Variants in NTM observed in about 807,000 individuals in gnomAD.
NTM encodes neurotrimin.
Under a neutral mutation model 42.1 loss-of-function variants are expected in NTM, and 13 were observed. The ratio of observed to expected loss-of-function variants is 0.31; its 90% CI spans 0.20 to 0.49. The LOEUF is 0.49. NTM is among the 20% of genes least tolerant of loss of function. NTM has a pLI of 0.99. For synonymous variants in NTM, 187 were observed against 179.2 expected, an observed-to-expected ratio of 1.04 and a Z score of -0.35; for missense variants, 373 against 452.8, an observed-to-expected ratio of 0.82 and a Z score of 1.60.
At chr11:131,950,506 T>C (rs2060861395) in intron 2 of NTM, among the ~76,000 whole-genome samples, 1 of 152,184 alleles carries the variant, frequency 6.6e-6, no homozygotes, top group Non-Finnish European at 1.5e-5. Context: ...GGAAGCCCAC[T>C]CACTCCCCTT....
At chr11:131,978,621 G>A (rs1003734311) in intron 2 of NTM, among the ~76,000 whole-genome samples, 1 of 151,848 alleles carries the variant, frequency 6.6e-6, no homozygotes, top group Non-Finnish European at 1.5e-5. Context: ...CGAGGCTCCC[G>A]CAGCAGTAAC....
intron 1 of NTM, among the ~76,000 whole-genome samples, chr11:131,453,112 C>T (rs2136058021): frequency 6.6e-6 from 1 of 152,326 alleles, no homozygotes; most frequent in South Asian, 2.1e-4. Flanking sequence ...TAAGTCCTCC[C>T]TTCTTGCCCA....
intron 1 of NTM, among the ~76,000 whole-genome samples, chr11:131,907,546 C>A (rs757703922): frequency 3.9e-5 from 6 of 152,190 alleles, no homozygotes; most frequent in East Asian, 1.9e-4. Flanking sequence ...TTTTTTATAA[C>A]CTGAAGCAAT....
chr11:131,575,319 C>G (rs2057823875), intron 1 of NTM, among the ~76,000 whole-genome samples: 2 of 152,178 alleles, frequency 1.3e-5, no homozygotes, highest in African/African-American at 4.8e-5. Flanking sequence ...TCACATTAAA[C>G]CTTTCTTCCA....
chr11:131,496,919 C>G (rs915245892), intron 1 of NTM, among the ~76,000 whole-genome samples: 5 of 152,200 alleles, frequency 3.3e-5, no homozygotes, highest in African/African-American at 1.2e-4. Flanking sequence ...CCACAGAACT[C>G]AAACCAGCAC....
At chr11:131,850,146 T>A (rs1434212342) in intron 1 of NTM, among the ~76,000 whole-genome samples, 1 of 152,112 alleles carries the variant, frequency 6.6e-6, no homozygotes, top group Non-Finnish European at 1.5e-5. Context: ...TAAATACAAA[T>A]CATTCCATTG....
chr11:132,162,079 A>C (rs1591921764), intron 3 of NTM, among the ~76,000 whole-genome samples: 2 of 152,250 alleles, frequency 1.3e-5, no homozygotes, highest in East Asian at 3.9e-4. Flanking sequence ...TCCTAATGTA[A>C]AGTGCGTGGG....
At chr11:131,972,082 A>G (rs987659032) in intron 2 of NTM, among the ~76,000 whole-genome samples, 5 of 146,362 alleles carry the variant, frequency 3.4e-5, no homozygotes, top group Admixed American at 6.9e-5. Context: ...GTGTGGTGGC[A>G]CACAACTGTA....
intron 1 of NTM, among the ~76,000 whole-genome samples, chr11:131,480,763 G>GCT (rs912767056): frequency 4.0e-5 from 6 of 151,546 alleles, no homozygotes; most frequent in Non-Finnish European, 8.8e-5. Flanking sequence ...AGAGTGGCCA[G>GCT]CTCTGTCTCC....
At chr11:131,710,086 G>C (rs1473444625) in intron 1 of NTM, among the ~76,000 whole-genome samples, 2 of 152,170 alleles carry the variant, frequency 1.3e-5, no homozygotes, top group Non-Finnish European at 2.9e-5. Context: ...GAGTGCACTG[G>C]TGGGGTCAAA....
At chr11:131,837,552 T>C (rs934104405) in intron 1 of NTM, among the ~76,000 whole-genome samples, 2 of 152,208 alleles carry the variant, frequency 1.3e-5, no homozygotes, top group Non-Finnish European at 2.9e-5. Context: ...ACACAGTTTT[T>C]CTAAGATGAA....
intron 4 of NTM, among the ~76,000 whole-genome samples, chr11:132,299,119 C>T (rs1225227099): frequency 1.3e-5 from 2 of 150,060 alleles, no homozygotes; most frequent in Non-Finnish European, 3.0e-5. Context: ...CACAATGAAA[C>T]CCCGTCTCTA....
In NTM at chr11:131,968,991, C is replaced by T. The variant is rs568271980; in HGVS notation, c.167+57343C>T. 5.1e-3 allele frequency among the ~76,000 whole-genome samples: 776 copies of T among 152,284 alleles called. 10 individuals carry two copies. The Middle Eastern group carries it at 0.051, about 10-fold the overall frequency. On this transcript the variant is annotated intron_variant, in intron 2 of 8. Coordinates refer to ENST00000683400, the MANE Select transcript of NTM (RefSeq NM_001352005.2). The stretch of plus-strand genomic sequence containing the variant: ...TATACCTGAAACTTCCATAATCAAG[C>T]ACAGTTTATTACAGAGCAAATACAG...
At chr11:132,296,271 C>T (rs1387792895) in intron 4 of NTM, among the ~76,000 whole-genome samples, 3 of 152,090 alleles carry the variant, frequency 2.0e-5, no homozygotes, top group Non-Finnish European at 2.9e-5. Context: ...CACAGCTGGC[C>T]ATCTACAGTG....
At chr11:132,226,082 G>A (rs2086209511) in intron 4 of NTM, among the ~76,000 whole-genome samples, 1 of 152,136 alleles carries the variant, frequency 6.6e-6, no homozygotes, top group African/African-American at 2.4e-5. Flanking sequence ...TGGTATATAT[G>A]TACCACATTT....
chr11:131,926,961 A>G (rs2058036116), intron 2 of NTM, among the ~76,000 whole-genome samples: 1 of 152,234 alleles, frequency 6.6e-6, no homozygotes, highest in African/African-American at 2.4e-5. Flanking sequence ...TTTCCAAGAT[A>G]TTACATTGTG....
rs147812272 is a variant in NTM at position 132,202,335 on chromosome 11, T to C, written c.401-9687T>C. ...CAAAGTGCTCGGAATAGAAGGTGTT[T>C]GGTGTTTCTTTTCTTCCCACCCCAT... On this transcript the variant is annotated intron_variant, in intron 3 of 8. Coordinates refer to ENST00000683400, the MANE Select transcript of NTM (RefSeq NM_001352005.2). 6.7e-4 allele frequency among the ~76,000 whole-genome samples: 102 copies of C among 152,286 alleles called. 3 individuals carry two copies. Among genetic ancestry groups the C allele is most frequent in the African/African-American group, 2.3e-3 (95 of 41,546 alleles).
chr11:132,070,646 C>T (rs1425150166), intron 2 of NTM, among the ~76,000 whole-genome samples: 1 of 134,824 alleles, frequency 7.4e-6, no homozygotes, highest in East Asian at 2.2e-4. Context: ...TCAAACTGAC[C>T]ACCACAGGTT....
At chr11:132,035,179 A>G (rs2076365375) in intron 2 of NTM, among the ~76,000 whole-genome samples, 1 of 152,178 alleles carries the variant, frequency 6.6e-6, no homozygotes, top group Non-Finnish European at 1.5e-5. Flanking sequence ...TTTAATCTAT[A>G]AGAAGCTGTG....
Sources: gnomAD v4.1 joint callset for allele counts (sites outside exome capture counted in the v4.1 genomes callset) on GRCh38, gnomAD v4.1.1 for gene constraint, MANE v1.5 for transcripts, NCBI Gene and HGNC (gene_info 2026-07-23, HGNC 2026-07-21) for gene names.